Variants in VPS26B observed in about 807,000 individuals in gnomAD.
VPS26B encodes vacuolar protein sorting-associated protein 26B.
Under a neutral mutation model 33.3 loss-of-function variants are expected in VPS26B, and 10 were observed. The observed-to-expected ratio is 0.30, with a 90% CI of 0.19 to 0.51. VPS26B has a LOEUF of 0.51. Ranked by LOEUF, VPS26B falls within the 20% of genes least tolerant of loss-of-function variation. The pLI is 0.98. For missense variants in VPS26B, 317 were observed against 452.7 expected, an observed-to-expected ratio of 0.70 and a Z score of 2.72; for synonymous variants, 190 against 176.9, an observed-to-expected ratio of 1.07 and a Z score of -0.59.
rs1336243632 is a variant in VPS26B, at chr11:134,246,621, G to A, written c.*1031G>A. 6.6e-6 allele frequency: 1 copy of A among 152,366 alleles called. No individual in the cohort carries two copies. Among genetic ancestry groups the A allele is most frequent in the African/African-American group, 2.4e-5 (1 of 41,354 alleles). The allele number at this position is 152,366 out of a possible 1,614,324, so 9.4% of individuals were successfully genotyped here. On this transcript the variant is annotated 3_prime_UTR_variant, in exon 6 of 6. Coordinates refer to ENST00000281187, the MANE Select transcript of VPS26B (RefSeq NM_052875.5). ...TACCCCTCTCCCTATAGGTTACACA[G>A]GGGAGACCAGGGCCTCGGCAGAAGA...
At chr11:134,229,932 G>C (rs911262078) in intron 1 of VPS26B, among the ~76,000 whole-genome samples, 7 of 152,172 alleles carry the variant, frequency 4.6e-5, no homozygotes, top group Non-Finnish European at 1.0e-4. Flanking sequence ...CTCACCGCTT[G>C]TGGGTTCCAC....
At chr11:134,228,096 A>G (rs922724169) in intron 1 of VPS26B, among the ~76,000 whole-genome samples, 2 of 152,250 alleles carry the variant, frequency 1.3e-5, no homozygotes, top group African/African-American at 4.8e-5. Flanking sequence ...ACACAGAATG[A>G]TGGACAATAT....
chr11:134,230,780 A>G (rs1052149090), intron 1 of VPS26B, among the ~76,000 whole-genome samples: 1 of 152,088 alleles, frequency 6.6e-6, no homozygotes, highest in Non-Finnish European at 1.5e-5. Context: ...AGACTATAAT[A>G]TCTTATTTAT....
Position 134,240,001 on chromosome 11 carries a change from C to G in VPS26B, c.391C>G (p.Arg131Gly). 1 of 1,614,114 alleles carries G rather than the reference C, an allele frequency of 6.2e-7. No individual in the cohort carries two copies. Among genetic ancestry groups the G allele is most frequent in the Non-Finnish European group, 8.5e-7 (1 of 1,180,024 alleles). ...TTCCGTCTCCTACAGCTATTTCCTT[C>G]GTGCTACCATCAGCCGCCGCCTCAA... ...GQNVKLRYFL[R>G]ATISRRLNDV... The change falls in exon 3 of 6, where the codon CGT (arginine) becomes GGT (glycine). Residue 131 changes from arginine (R) to glycine (G), a missense_variant. Physicochemically the swap from Arg to Gly is moderately radical, Grantham distance 125 (BLOSUM62 -2). Coordinates refer to ENST00000281187, the MANE Select transcript of VPS26B (RefSeq NM_052875.5). This position sits in a 1 kb window ranked among gnomAD's most constrained non-coding sequence, Gnocchi z 4.4.
intron 1 of VPS26B, among the ~76,000 whole-genome samples, chr11:134,232,408 A>T (rs900760883): frequency 6.6e-6 from 1 of 152,192 alleles, no homozygotes; most frequent in Non-Finnish European, 1.5e-5. Flanking sequence ...CTTATAAAGG[A>T]TAGATTAAAA....
chr11:134,231,555 G>C (rs1340736569), intron 1 of VPS26B, among the ~76,000 whole-genome samples: 2 of 151,832 alleles, frequency 1.3e-5, no homozygotes, highest in African/African-American at 4.8e-5. Context: ...TGAAGAGGAG[G>C]CTCTTTGGAG....
intron 1 of VPS26B, among the ~76,000 whole-genome samples, chr11:134,229,341 T>C (rs1229141806): frequency 6.6e-6 from 1 of 152,172 alleles, no homozygotes; most frequent in Middle Eastern, 3.2e-3. Flanking sequence ...TATATTCTGA[T>C]GACTCCCAGA....
Position 134,234,611 on chromosome 11 carries a change from C to T in VPS26B, c.224-286C>T, listed in dbSNP as rs545661030. 3.3e-5 allele frequency among the ~76,000 whole-genome samples: 5 copies of T among 152,284 alleles called. No homozygotes were observed. In the East Asian group the frequency reaches 9.6e-4, roughly 29 times the overall value. ...AGTGTGGCATTTCTTATATTGGCTC[C>T]CATGACTTACCCTTATTAAAAGATG... On this transcript the variant is annotated intron_variant, in intron 1 of 5. Transcript: ENST00000281187.
intron 1 of VPS26B, 80 bp from the exon 2 acceptor site, chr11:134,234,817 T>TACAGCCTCCAGCCC: frequency 1.3e-6 from 2 of 1,546,382 alleles, no homozygotes; most frequent in Non-Finnish European, 1.8e-6. Context: ...CCCTCCAGCC[T>TACAGCCTCCAGCCC]ACAGCCTCCA....
chr11:134,247,289 A>G lies in VPS26B; in HGVS notation c.*1699A>G, dbSNP rs1454498486. 1.3e-5 allele frequency: 2 copies of G among 152,130 alleles called. No individual in the cohort carries two copies. The highest frequency in any genetic ancestry group is 4.8e-5 in the African/African-American group (2 of 41,426). 9.4% of individuals were successfully genotyped at this position (152,130 alleles called of 1,614,324 possible). A position where few individuals can be genotyped will look rare whatever the true frequency, so the allele number is the denominator to read the frequency against. On this transcript the variant is annotated 3_prime_UTR_variant, in exon 6 of 6. Coordinates refer to ENST00000281187, the MANE Select transcript of VPS26B (RefSeq NM_052875.5). ...GGGGCTTAAGTGGATAAGGGAGGCA[A>G]GTTCTGGGTTCCTTGCCTTTTCAGA...
At chr11:134,225,498 C>G in intron 1 of VPS26B, 153 bp downstream of exon 1, 1 of 758,526 alleles carries the variant, frequency 1.3e-6, no homozygotes, top group Non-Finnish European at 2.2e-6. Flanking sequence ...CGCCCGTGGG[C>G]GACTCCCCCT....
rs1938430493 is a variant in VPS26B, at chr11:134,225,364, C to G, written c.223+19C>G. On this transcript the variant is annotated intron_variant, in intron 1 of 5. Coordinates refer to ENST00000281187, the MANE Select transcript of VPS26B (RefSeq NM_052875.5). ...CAGATCGGTGAGTCGACCCCCGGGA[C>G]CCCCTCCCCCAGCGCCGACAGCCGG... The G allele has an allele frequency of 1.2e-6, 2 of 1,611,836 alleles. No individual in the cohort carries two copies. The highest frequency in any genetic ancestry group is 1.7e-5 in the Admixed American group (1 of 59,984).
At chr11:134,235,079 C>T in intron 2 of VPS26B, 26 bp downstream of exon 2, 4 of 1,608,140 alleles carry the variant, frequency 2.5e-6, no homozygotes, top group Non-Finnish European at 3.4e-6. Context: ...TGGTTCCCCA[C>T]TGTACCCTAG....
chr11:134,243,303 C>G lies in VPS26B; in HGVS notation c.721+9C>G. On this transcript the variant is annotated intron_variant, in intron 4 of 5. Coordinates refer to ENST00000281187, the MANE Select transcript of VPS26B (RefSeq NM_052875.5). ...CGGGGCACCAGTGCGAGGTGAGACTCCAGGCCCAGGCCTCGGCTACCACAG... is the reference window on the plus strand; with the variant it reads ...CGGGGCACCAGTGCGAGGTGAGACTGCAGGCCCAGGCCTCGGCTACCACAG... 6.2e-7 allele frequency: 1 copy of G among 1,613,436 alleles called. No homozygotes were observed. Among genetic ancestry groups the G allele is most frequent in the Non-Finnish European group, 8.5e-7 (1 of 1,179,468 alleles).
At chr11:134,231,853 A>G (rs996303918) in intron 1 of VPS26B, among the ~76,000 whole-genome samples, 3 of 152,144 alleles carry the variant, frequency 2.0e-5, no homozygotes, top group African/African-American at 7.2e-5. Flanking sequence ...ATGAACCACT[A>G]CGCCTGGCCT....
intron 1 of VPS26B, among the ~76,000 whole-genome samples, chr11:134,234,212 G>T (rs1938598724): frequency 6.6e-6 from 1 of 152,168 alleles, no homozygotes; most frequent in African/African-American, 2.4e-5. Flanking sequence ...CCTTCCTTTT[G>T]GAGTAATAAC....
At chr11:134,235,672 T>C (rs1369439506) in intron 2 of VPS26B, 1 of 152,256 alleles carries the variant, frequency 6.6e-6, no homozygotes, top group Non-Finnish European at 1.5e-5. Context: ...ATTCTAATTC[T>C]AGATGTCCTC....
intron 4 of VPS26B, chr11:134,243,967 G>GT (rs1938769966): frequency 2.0e-5 from 3 of 152,320 alleles, no homozygotes; most frequent in Admixed American, 6.5e-5. Flanking sequence ...TCATTTTGAA[G>GT]TGCATGGTGC....
chr11:134,239,911 A>G (rs1938690861), intron 2 of VPS26B, 80 bp from the exon 3 acceptor site: 1 of 1,552,380 alleles, frequency 6.4e-7, no homozygotes, highest in East Asian at 2.3e-5. Flanking sequence ...GCTTCTCTCA[A>G]GTGGGCCAAT....
Sources: allele counts gnomAD v4.1 joint callset (sites outside exome capture counted in the v4.1 genomes callset), GRCh38; gene constraint gnomAD v4.1.1; non-coding constraint Gnocchi (gnomAD v3.1); transcripts MANE v1.5; gene names NCBI Gene and HGNC (gene_info 2026-07-23, HGNC 2026-07-21).